Variants in OXR1 observed in about 807,000 individuals in gnomAD.
OXR1 encodes oxidation resistance 1, also known as oxidation resistance protein 1.
In OXR1, 41 loss-of-function variants were observed where a neutral mutation model predicts 104.6. That is an observed-to-expected ratio of 0.39 (90% CI 0.31 to 0.51). OXR1 has a LOEUF of 0.51. Ranked by LOEUF, OXR1 falls within the 20% of genes least tolerant of loss-of-function variation. The probability of loss-of-function intolerance (pLI) is 0.77; values close to 1 mark genes in which losing one functional copy is unlikely to be tolerated. For missense variants in OXR1, 955 were observed against 1,031.9 expected (o/e 0.93, Z 1.02); for synonymous variants, 348 against 348.4 (o/e 1.00, Z 0.01).
intron 1 of OXR1, among the ~76,000 whole-genome samples, chr8:106,317,264 G>A (rs1320017897): frequency 6.6e-6 from 1 of 152,138 alleles, no homozygotes; most frequent in Admixed American, 6.5e-5. Flanking sequence ...ATCATGCTGT[G>A]AGGGGCAAAA....
At chr8:106,327,074 A>G (rs1814499253) in intron 1 of OXR1, among the ~76,000 whole-genome samples, 2 of 152,256 alleles carry the variant, frequency 1.3e-5, no homozygotes, top group Non-Finnish European at 2.9e-5. Context: ...TCAGTAATAA[A>G]GTATCCTTTG....
In OXR1 at chr8:106,326,418, T is replaced by C. The variant is rs1030852281; in HGVS notation, c.-138-33058T>C. Among the ~76,000 whole-genome samples the C allele has an allele frequency of 5.3e-5, 8 of 152,230 alleles. No individual in the cohort carries two copies. In the South Asian group the frequency reaches 1.4e-3, roughly 28 times the overall value. ...AGTAAACTATATTGAAAAAAGTGACTCTTGTTTTCCAAGCTAAATTCTGCC... is the reference window on the plus strand; with the variant it reads ...AGTAAACTATATTGAAAAAAGTGACCCTTGTTTTCCAAGCTAAATTCTGCC... On this transcript the variant is annotated intron_variant, in intron 1 of 16. Coordinates refer to ENST00000517566, the MANE Select transcript of OXR1 (RefSeq NM_001198533.2).
chr8:106,618,083 C>T, intron 3 of OXR1: 1 of 1,535,356 alleles, frequency 6.5e-7, no homozygotes, highest in Non-Finnish European at 8.7e-7. Flanking sequence ...CCCTGAGAAG[C>T]ACAGGAATCA....
rs530920223 is a variant in OXR1, at chr8:106,581,279, T to C, written c.220+62140T>C. On this transcript the variant is annotated intron_variant, in intron 3 of 16. Coordinates refer to ENST00000517566, the MANE Select transcript of OXR1 (RefSeq NM_001198533.2). ...AAGTTTCTGAAATCATGCCTTTCTA[T>C]TTTTTTTTAATTTTTCATTTGCCTA... 3.3e-6 allele frequency: 4 copies of C among 1,198,124 alleles called. No individual in the cohort carries two copies. In the African/African-American group the frequency reaches 6.3e-5, roughly 19 times the overall value. The allele number at this position is 1,198,124 out of a possible 1,614,324, so 74.2% of individuals were successfully genotyped here. A position where few individuals can be genotyped will look rare whatever the true frequency, so the allele number is the denominator to read the frequency against.
At position 106,519,092 on chromosome 8, in the gene OXR1, A is replaced by G. The variant is rs1813070865; in HGVS notation, c.173A>G (p.Gln58Arg). 2 of 1,552,080 alleles carry G rather than the reference A, an allele frequency of 1.3e-6. No homozygotes were observed. The highest frequency in any genetic ancestry group is 1.4e-5 in the African/African-American group (1 of 73,048). Residue 58 changes from glutamine (Q) to arginine (R), a missense_variant, in exon 3 of 17, where the codon CAG becomes CGG. Gln to Arg is a conservative substitution (Grantham distance 43). Around this residue, in one of 2 missense-constraint regions of OXR1, gnomAD observed 849 missense variants for 852.9 expected, o/e 1.00. Transcript: ENST00000517566. ...GAGCAGAACAATGCAGCAAATACTC[A>G]GAAACATCCTTCCAGAAGGAGCGAA... ...EEEQNNAANT[Q>R]KHPSRRSELK...
intron 3 of OXR1, among the ~76,000 whole-genome samples, chr8:106,523,952 T>G (rs1335528458): frequency 6.6e-6 from 1 of 151,854 alleles, no homozygotes; most frequent in Non-Finnish European, 1.5e-5. Flanking sequence ...GTTTTTGTAT[T>G]TTTTTAGTAG....
At chr8:106,435,287 G>T (rs1433504830) in intron 2 of OXR1, among the ~76,000 whole-genome samples, 1 of 152,124 alleles carries the variant, frequency 6.6e-6, no homozygotes, top group Non-Finnish European at 1.5e-5. Flanking sequence ...TCCTAAAGCC[G>T]ATTTCGAAGA....
intron 3 of OXR1, among the ~76,000 whole-genome samples, chr8:106,619,876 A>G (rs1393399867): frequency 1.3e-5 from 2 of 152,012 alleles, no homozygotes; most frequent in East Asian, 3.9e-4. Context: ...CCCTCTTCCC[A>G]TCCTTCTTAC....
chr8:106,585,413 G>C (rs1398025840), intron 3 of OXR1, among the ~76,000 whole-genome samples: 1 of 152,064 alleles, frequency 6.6e-6, no homozygotes, highest in African/African-American at 2.4e-5. Context: ...AAACCAACTT[G>C]CTAGGTTGTA....
chr8:106,593,791 T>C (rs1233601889), intron 3 of OXR1, among the ~76,000 whole-genome samples: 1 of 151,996 alleles, frequency 6.6e-6, no homozygotes, highest in Non-Finnish European at 1.5e-5. Context: ...ATAATAATAA[T>C]AGATTCTGAT....
intron 2 of OXR1, among the ~76,000 whole-genome samples, chr8:106,420,768 A>C (rs1488169802): frequency 7.9e-6 from 1 of 127,386 alleles, no homozygotes; most frequent in Non-Finnish European, 1.6e-5. Context: ...GTTAGTTACT[A>C]GCCTTTTTTT....
At chr8:106,329,598 C>T (rs867998476) in intron 1 of OXR1, among the ~76,000 whole-genome samples, 2 of 152,202 alleles carry the variant, frequency 1.3e-5, no homozygotes, top group African/African-American at 2.4e-5. Context: ...CCGCCTGCCT[C>T]GGCCTCCCAA....
intron 1 of OXR1, among the ~76,000 whole-genome samples, chr8:106,311,111 T>C (rs1030019925): frequency 1.3e-5 from 2 of 152,094 alleles, no homozygotes; most frequent in African/African-American, 4.8e-5. Flanking sequence ...TTTTTATCTT[T>C]TTCTCATTAT....
At position 106,671,992 on chromosome 8, in the gene OXR1, TAATAATAATAATAAA is replaced by T. The variant is rs1051536768; in HGVS notation, c.221-7216_221-7202del. Among the ~76,000 whole-genome samples, 30 of 144,856 alleles carry T rather than the reference TAATAATAATAATAAA, an allele frequency of 2.1e-4. No individual in the cohort carries two copies. In the East Asian group the frequency reaches 4.0e-3, roughly 19 times the overall value. On this transcript the variant is annotated intron_variant, in intron 3 of 16. Coordinates refer to ENST00000517566, the MANE Select transcript of OXR1 (RefSeq NM_001198533.2). Reference sequence around the variant, plus strand: ...ATAATAATAATAATAATAATAATAATAATAATAATAATAAAAGGCTGTGAGGAGTCAGTAATTCAG... The same window carrying T: ...ATAATAATAATAATAATAATAATAATAGGCTGTGAGGAGTCAGTAATTCAG...
chr8:106,359,047 T>TTTTCTTTCTTTCTTTCTTTCTTTCTTTC (rs76498142), intron 1 of OXR1, among the ~76,000 whole-genome samples: 2 of 141,134 alleles, frequency 1.4e-5, no homozygotes, highest in South Asian at 2.3e-4. Flanking sequence ...CATGGAATTC[T>TTTTCTTTCTTTCTTTCTTTCTTTCTTTC]TTTCTTTCTT....
chr8:106,587,616 G>C (rs749040332), intron 3 of OXR1, among the ~76,000 whole-genome samples: 31 of 152,180 alleles, frequency 2.0e-4, no homozygotes, highest in Non-Finnish European at 3.8e-4. Flanking sequence ...AGTCCCAGTA[G>C]ATAGGTTTGT....
intron 11 of OXR1, among the ~76,000 whole-genome samples, chr8:106,723,997 G>A (rs139509258): frequency 4.8e-4 from 72 of 151,398 alleles, no homozygotes; most frequent in African/African-American, 1.6e-3. Context: ...TGTTGCCCAC[G>A]CTGGTCTCAA....
At chr8:106,658,355 A>T (rs1825379350) in intron 3 of OXR1, among the ~76,000 whole-genome samples, 1 of 151,924 alleles carries the variant, frequency 6.6e-6, no homozygotes, top group Admixed American at 6.5e-5. Context: ...GGAAGGAAGG[A>T]CTCGTTCGGC....
At chr8:106,626,211 TA>T (rs941864729) in intron 3 of OXR1, among the ~76,000 whole-genome samples, 72 of 151,664 alleles carry the variant, frequency 4.7e-4, no homozygotes, top group Admixed American at 6.6e-4. Context: ...TTTTTCCTTG[TA>T]AAAAAAATTT....
Sources: allele counts gnomAD v4.1 joint callset (sites outside exome capture counted in the v4.1 genomes callset), GRCh38; gene constraint gnomAD v4.1.1; regional missense constraint gnomAD v4.1.1; transcripts MANE v1.5; gene names NCBI Gene and HGNC (gene_info 2026-07-23, HGNC 2026-07-21).